Variants in CAMTA1 observed in about 807,000 individuals in gnomAD.
CAMTA1 encodes calmodulin-binding transcription activator 1.
In CAMTA1, 27 loss-of-function variants were observed where a neutral mutation model predicts 170.9. The ratio of observed to expected loss-of-function variants is 0.16; its 90% CI spans 0.12 to 0.22. The LOEUF is 0.22. CAMTA1 is among the 10% of genes least tolerant of loss of function. The pLI is 1.00. For synonymous variants in CAMTA1, 833 were observed against 891.5 expected (o/e 0.93, Z 1.17); for missense variants, 1,619 against 2,217.2 (o/e 0.73, Z 5.42).
chr1:6,810,661 C>T (rs899083663), intron 1 of CAMTA1, among the ~76,000 whole-genome samples: 5 of 152,046 alleles, frequency 3.3e-5, no homozygotes, highest in African/African-American at 7.2e-5. Context: ...AAAATTTAGC[C>T]GGGCGTGGTG....
At chr1:7,053,736 G>C (rs561141595) in intron 3 of CAMTA1, among the ~76,000 whole-genome samples, 1 of 152,264 alleles carries the variant, frequency 6.6e-6, no homozygotes, top group South Asian at 2.1e-4. Flanking sequence ...TATCTGCCTG[G>C]CTCCCTCTCA....
chr1:7,670,617 C>T (rs1420134021), intron 9 of CAMTA1, among the ~76,000 whole-genome samples: 1 of 152,228 alleles, frequency 6.6e-6, no homozygotes, highest in Non-Finnish European at 1.5e-5. Flanking sequence ...CTCCCTCCTG[C>T]CTGGATCTGC....
At chr1:7,009,325 C>T (rs1324708620) in intron 3 of CAMTA1, among the ~76,000 whole-genome samples, 1 of 152,154 alleles carries the variant, frequency 6.6e-6, no homozygotes, top group Admixed American at 6.5e-5. Flanking sequence ...GACAGAGATT[C>T]CCCAGAGGCG....
intron 7 of CAMTA1, among the ~76,000 whole-genome samples, chr1:7,648,696 G>T (rs890806259): frequency 2.0e-5 from 3 of 152,188 alleles, no homozygotes; most frequent in Admixed American, 6.5e-5. Flanking sequence ...TCTTACCCTG[G>T]AATCCACCAA....
chr1:7,016,658 A>G (rs1700578444), intron 3 of CAMTA1, among the ~76,000 whole-genome samples: 1 of 152,026 alleles, frequency 6.6e-6, no homozygotes, highest in African/African-American at 2.4e-5. Context: ...ACATGGGGAA[A>G]CCCCATCTCT....
chr1:6,963,954 G>A, intron 3 of CAMTA1, among the ~76,000 whole-genome samples: 1 of 152,252 alleles, frequency 6.6e-6, no homozygotes. Flanking sequence ...CAGTGTCCTG[G>A]GTGCTCTGGG....
intron 5 of CAMTA1, among the ~76,000 whole-genome samples, chr1:7,289,165 G>A (rs1308219414): frequency 1.3e-5 from 2 of 152,056 alleles, no homozygotes; most frequent in African/African-American, 2.4e-5. Flanking sequence ...GAGGAAATCC[G>A]CCCCCATGAT....
intron 3 of CAMTA1, among the ~76,000 whole-genome samples, chr1:6,899,351 G>A (rs1443362418): frequency 6.6e-6 from 1 of 152,144 alleles, no homozygotes; most frequent in East Asian, 1.9e-4. Context: ...TTGTTGCCGT[G>A]GTTTGAAAGC....
At chr1:7,020,914 C>A (rs1701248824) in intron 3 of CAMTA1, among the ~76,000 whole-genome samples, 1 of 152,216 alleles carries the variant, frequency 6.6e-6, no homozygotes, top group Non-Finnish European at 1.5e-5. Flanking sequence ...GGCCACCAGG[C>A]AGCCCTCACC....
chr1:7,150,717 G>A (rs1004111869), intron 4 of CAMTA1, among the ~76,000 whole-genome samples: 1 of 152,090 alleles, frequency 6.6e-6, no homozygotes, highest in African/African-American at 2.4e-5. Context: ...GTATTGGGAT[G>A]TGCAGAAGGA....
At position 7,641,022 on chromosome 1, in the gene CAMTA1, A is replaced by G. The variant is rs1474358319; in HGVS notation, c.664+469A>G. Among the ~76,000 whole-genome samples, 1 of 152,170 alleles carries G rather than the reference A, an allele frequency of 6.6e-6. No individual in the cohort carries two copies. Among genetic ancestry groups the G allele is most frequent in the Non-Finnish European group, 1.5e-5 (1 of 68,034 alleles). On this transcript the variant is annotated intron_variant, in intron 7 of 22. Coordinates refer to ENST00000303635, the MANE Select transcript of CAMTA1 (RefSeq NM_015215.4). This position sits in a 1 kb window ranked among gnomAD's most constrained non-coding sequence, Gnocchi z 4.5. ...CCTCGGCTCCCAGGCTGGGTGGCAAATAGATGATGGTAATTGAGCTGGATT... is the reference window on the plus strand; with the variant it reads ...CCTCGGCTCCCAGGCTGGGTGGCAAGTAGATGATGGTAATTGAGCTGGATT...
intron 5 of CAMTA1, among the ~76,000 whole-genome samples, chr1:7,265,382 C>T (rs907287623): frequency 3.9e-5 from 6 of 152,178 alleles, no homozygotes; most frequent in Non-Finnish European, 7.3e-5. Flanking sequence ...AGCACTATCT[C>T]AGCTCACTGC....
At chr1:7,287,574 CCTT>C (rs918222458) in intron 5 of CAMTA1, among the ~76,000 whole-genome samples, 8 of 151,764 alleles carry the variant, frequency 5.3e-5, no homozygotes, top group East Asian at 1.9e-4. Flanking sequence ...CAAGCCCTTT[CCTT>C]CTTCTTCTTC....
rs549090736 is a variant in CAMTA1 at position 7,456,795 on chromosome 1, A to G, written c.439-11035A>G. ...AGGTGCTGGGACACAGCAGGGGCCC[A>G]TGTGGGCCTGGCTGAACGTCCTCAG... is the stretch of plus-strand genomic sequence containing the variant. On this transcript the variant is annotated intron_variant, in intron 5 of 22. Transcript: ENST00000303635. This position sits in a 1 kb window ranked among gnomAD's most constrained non-coding sequence, Gnocchi z 4.9. 4.6e-5 allele frequency among the ~76,000 whole-genome samples: 7 copies of G among 152,348 alleles called. No homozygotes were observed. The South Asian group carries it at 1.4e-3, about 32-fold the overall frequency.
chr1:7,178,043 A>G (rs1213326142), intron 4 of CAMTA1, among the ~76,000 whole-genome samples: 1 of 151,702 alleles, frequency 6.6e-6, no homozygotes, highest in African/African-American at 2.4e-5. Context: ...CATTCAATAC[A>G]TCAAAGTCCC....
intron 6 of CAMTA1, among the ~76,000 whole-genome samples, chr1:7,616,953 A>G (rs144620469): frequency 2.1e-4 from 32 of 152,354 alleles, no homozygotes; most frequent in Non-Finnish European, 4.0e-4. Flanking sequence ...CTGTCTCCCA[A>G]GTAAGTCTTG....
rs1057524631 is a variant in CAMTA1, at chr1:7,663,440, G to A, written c.893G>A (p.Gly298Glu). 9 of 1,578,800 alleles carry A rather than the reference G, an allele frequency of 5.7e-6. No individual in the cohort carries two copies. The highest frequency in any genetic ancestry group is 3.4e-5 in the Admixed American group (2 of 58,196). The change falls in exon 9 of 23, where the codon GGG (glycine) becomes GAG (glutamate). Residue 298 changes from glycine to glutamate, a missense_variant. Transcript: ENST00000303635. ...PKVEPRTGGY[G>E]SHSEVQHNDV... ...GTGGAGCCACGGACAGGGGGGTACGGGAGCCACTCGGAGGTGCAGCACAAT... is the reference window on the plus strand; with the variant it reads ...GTGGAGCCACGGACAGGGGGGTACGAGAGCCACTCGGAGGTGCAGCACAAT...
rs1329626100 is a variant in CAMTA1, at chr1:7,270,250, C to CATAT, written c.438+20625_438+20626insTATA. The stretch of plus-strand genomic sequence containing the variant: ...ATATATACACATATATACATACACA[C>CATAT]ACACACACACACACACACACACACA... On this transcript the variant is annotated intron_variant, in intron 5 of 22. Transcript: ENST00000303635. 4.2e-4 allele frequency among the ~76,000 whole-genome samples: 8 copies of CATAT among 18,886 alleles called. No homozygotes were observed. In the South Asian group the frequency reaches 7.7e-3, roughly 18 times the overall value. The allele number at this position is 18,886 out of a possible 152,430, so 12.4% of individuals were successfully genotyped here.
chr1:7,514,757 C>T (rs2094256363), intron 6 of CAMTA1, among the ~76,000 whole-genome samples: 1 of 152,142 alleles, frequency 6.6e-6, no homozygotes, highest in African/African-American at 2.4e-5. Flanking sequence ...GCAGCCTGGT[C>T]CTGGTGCAGA....
Sources: allele counts gnomAD v4.1 joint callset (sites outside exome capture counted in the v4.1 genomes callset), GRCh38; gene constraint gnomAD v4.1.1; non-coding constraint Gnocchi (gnomAD v3.1); transcripts MANE v1.5; gene names NCBI Gene and HGNC (gene_info 2026-07-23, HGNC 2026-07-21).